Variants in ZNF257 observed in about 807,000 individuals in gnomAD.
The protein encoded by ZNF257 is bone marrow zinc finger 4.
In ZNF257, 12 loss-of-function variants were observed where a neutral mutation model predicts 11.9. The ratio of observed to expected loss-of-function variants is 1.01; its 90% CI spans 0.65 to 1.63. The LOEUF (loss-of-function observed/expected upper bound fraction) is 1.63. ZNF257 is among the 40% of genes most tolerant of loss of function. The pLI is 0.00. For missense variants in ZNF257, 580 were observed against 665.5 expected (o/e 0.87, Z 1.41); for synonymous variants, 183 against 222.7 (o/e 0.82, Z 1.59).
intron 3 of ZNF257, among the ~76,000 whole-genome samples, chr19:22,084,065 G>C (rs914150764): frequency 9.2e-5 from 14 of 151,694 alleles, no homozygotes; most frequent in Non-Finnish European, 1.9e-4. Context: ...GCTTGAACCC[G>C]GGAAGCAGAG....
intron 1 of ZNF257, among the ~76,000 whole-genome samples, chr19:22,052,948 A>G (rs1971735974): frequency 6.6e-6 from 1 of 152,142 alleles, no homozygotes; most frequent in African/African-American, 2.4e-5. Context: ...TCGTCAGGGG[A>G]GAATCCTGAC....
intron 3 of ZNF257, among the ~76,000 whole-genome samples, chr19:22,086,336 C>T (rs950566387): frequency 6.6e-6 from 1 of 151,946 alleles, no homozygotes; most frequent in African/African-American, 2.4e-5. Flanking sequence ...ATTACATCTG[C>T]CCTCGACTTT....
chr19:22,089,496 C>T lies in ZNF257; in HGVS notation c.*54C>T, dbSNP rs561202282. 3.5e-5 allele frequency: 55 copies of T among 1,557,682 alleles called. No homozygotes were observed. In the East Asian group the frequency reaches 1.1e-3, roughly 31 times the overall value. On this transcript the variant is annotated 3_prime_UTR_variant, in exon 4 of 4. Coordinates refer to ENST00000594947, the MANE Select transcript of ZNF257 (RefSeq NM_033468.4). ...TGTGTCAAAGCTTTTAACTGTTCCT[C>T]AATCCTTACTAAACATAAGGGAATT...
intron 3 of ZNF257, among the ~76,000 whole-genome samples, chr19:22,076,748 G>T (rs1009792279): frequency 2.0e-5 from 3 of 152,080 alleles, no homozygotes; most frequent in African/African-American, 2.4e-5. Flanking sequence ...GAGTGCAGTG[G>T]CATGATTTCA....
At position 22,078,902 on chromosome 19, in the gene ZNF257, C is replaced by T. The variant is rs375332608; in HGVS notation, c.226+5338C>T. On this transcript the variant is annotated intron_variant, in intron 3 of 3. Transcript: ENST00000594947. ...CCACCTCCCGGGTTCAAGTGATTCT[C>T]CTGCCTCAGCCTCTCTAGTAGCTGG... Among the ~76,000 whole-genome samples, 374 of 151,412 alleles carry T rather than the reference C, an allele frequency of 2.5e-3. 5 individuals are homozygous for T. The highest frequency in any genetic ancestry group is 8.2e-3 in the African/African-American group (338 of 41,164).
chr19:22,075,874 C>T (rs921655344), intron 3 of ZNF257: 20 of 152,146 alleles, frequency 1.3e-4, no homozygotes, highest in African/African-American at 4.8e-4. Context: ...GCCTGGTACT[C>T]TCATAAAGGT....
intron 1 of ZNF257, among the ~76,000 whole-genome samples, chr19:22,067,863 GA>G (rs57711148): frequency 0.23 from 34,743 of 149,174 alleles, 5,617 homozygotes; most frequent in African/African-American, 0.46. Context: ...AAATAAATGA[GA>G]AACACAATTA....
chr19:22,065,628 A>C (rs1415254807), intron 1 of ZNF257, among the ~76,000 whole-genome samples: 1 of 83,752 alleles, frequency 1.2e-5, no homozygotes, highest in Non-Finnish European at 2.2e-5. Flanking sequence ...TTAGTCTGAA[A>C]TGCTTATTTA....
At chr19:22,070,147 T>A (rs769713467) in intron 1 of ZNF257, among the ~76,000 whole-genome samples, 18 of 148,724 alleles carry the variant, frequency 1.2e-4, no homozygotes, top group Non-Finnish European at 3.0e-5. Flanking sequence ...AGGGTCTTTT[T>A]AAATTTTTTA....
intron 1 of ZNF257, among the ~76,000 whole-genome samples, chr19:22,069,904 C>G (rs1335433555): frequency 6.6e-6 from 1 of 151,962 alleles, no homozygotes; most frequent in Non-Finnish European, 1.5e-5. Flanking sequence ...TGGAAGTACC[C>G]CAGTGGCACA....
chr19:22,053,033 A>G (rs1356361307), intron 1 of ZNF257, among the ~76,000 whole-genome samples: 1 of 152,176 alleles, frequency 6.6e-6, no homozygotes, highest in Non-Finnish European at 1.5e-5. Context: ...CTTATTAAAA[A>G]TATACAGAAG....
intron 2 of ZNF257, 77 bp from the exon 3 acceptor site, chr19:22,073,392 C>A: frequency 4.9e-6 from 7 of 1,429,350 alleles, no homozygotes; most frequent in Non-Finnish European, 5.7e-6. Context: ...ATATTACATT[C>A]TCTTTATTGA....
chr19:22,056,624 C>T (rs1271222158), intron 1 of ZNF257, among the ~76,000 whole-genome samples: 1 of 151,790 alleles, frequency 6.6e-6, no homozygotes. Flanking sequence ...TACAGGCACC[C>T]GCTACCATGT....
In ZNF257 at chr19:22,062,484, CTT is replaced by C. The variant is rs34616431; in HGVS notation, c.3+9863_3+9864del. Among the ~76,000 whole-genome samples the C allele has an allele frequency of 1.2e-3, 167 of 136,510 alleles. 1 individual carries two copies. Among genetic ancestry groups the C allele is most frequent in the Admixed American group, 1.4e-3 (19 of 13,636 alleles). The allele number at this position is 136,510 out of a possible 152,430, so 89.6% of individuals were successfully genotyped here. On this transcript the variant is annotated intron_variant, in intron 1 of 3. Coordinates refer to ENST00000594947, the MANE Select transcript of ZNF257 (RefSeq NM_033468.4). The stretch of plus-strand genomic sequence containing the variant: ...TATTGGCCTGAAGTTTTCTTTCTTT[CTT>C]TTTTTTTTTTTTTGAGACAGAGTTT...
At chr19:22,055,489 AGCCACCGT>A (rs984292150) in intron 1 of ZNF257, among the ~76,000 whole-genome samples, 1 of 151,978 alleles carries the variant, frequency 6.6e-6, no homozygotes, top group Non-Finnish European at 1.5e-5. Flanking sequence ...TACAGGCGTG[AGCCACCGT>A]GCCTGGCCAA....
intron 3 of ZNF257, among the ~76,000 whole-genome samples, chr19:22,077,001 C>G (rs970378081): frequency 1.3e-5 from 2 of 152,086 alleles, no homozygotes; most frequent in African/African-American, 4.8e-5. Context: ...AATTTACCAT[C>G]TTTAATCTGT....
At position 22,089,510 on chromosome 19, in the gene ZNF257, C is replaced by A; in HGVS notation, c.*68C>A. The A allele has an allele frequency of 6.5e-7, 1 of 1,526,796 alleles. No individual in the cohort carries two copies. The highest frequency in any genetic ancestry group is 2.4e-5 in the East Asian group (1 of 41,880). 94.6% of individuals were successfully genotyped at this position (1,526,796 alleles called of 1,614,324 possible). On this transcript the variant is annotated 3_prime_UTR_variant, in exon 4 of 4. Coordinates refer to ENST00000594947, the MANE Select transcript of ZNF257 (RefSeq NM_033468.4). ...TAACTGTTCCTCAATCCTTACTAAA[C>A]ATAAGGGAATTCATAATAGAGAAAC...
chr19:22,083,113 C>T (rs73019871), intron 3 of ZNF257, among the ~76,000 whole-genome samples: 23,646 of 152,022 alleles, frequency 0.16, 1,998 homozygotes, highest in Admixed American at 0.22. Context: ...CTTCCATATC[C>T]GGTTTATTCA....
chr19:22,054,233 T>A (rs1170825514), intron 1 of ZNF257, among the ~76,000 whole-genome samples: 2 of 151,910 alleles, frequency 1.3e-5, no homozygotes, highest in African/African-American at 4.8e-5. Context: ...CCACCACACC[T>A]GGCTAGTTAT....
Sources: allele counts gnomAD v4.1 joint callset (sites outside exome capture counted in the v4.1 genomes callset), GRCh38; gene constraint gnomAD v4.1.1; transcripts MANE v1.5; gene names NCBI Gene and HGNC (gene_info 2026-07-23, HGNC 2026-07-21).